The following COPB1 variants were observed in gnomAD, a reference collection of about 807,000 sequenced individuals.
COPB1 encodes the protein coat protein complex I subunit beta 1, also known as coatomer subunit beta.
COPB1 carries 21 observed loss-of-function variants against 108.7 expected under a neutral mutation model. That is an observed-to-expected ratio of 0.19 (90% CI 0.14 to 0.28). The LOEUF (loss-of-function observed/expected upper bound fraction) is 0.28. COPB1 is among the 10% of genes least tolerant of loss of function. The pLI is 1.00. For missense variants in COPB1, 919 were observed against 1,141.3 expected (o/e 0.81, Z 2.81); for synonymous variants, 378 against 386.8 (o/e 0.98, Z 0.27).
intron 4 of COPB1, among the ~76,000 whole-genome samples, chr11:14,492,628 C>G (rs1332173974): frequency 6.6e-6 from 1 of 152,038 alleles, no homozygotes; most frequent in African/African-American, 2.4e-5. Flanking sequence ...CAGGCATGAG[C>G]CACCACGCCT....
At position 14,469,694 on chromosome 11, in the gene COPB1, T is replaced by A. The variant is rs1287432094; in HGVS notation, c.1738-131A>T. ...GATTTCAAATTCTTTGGATTTTATG[T>A]CCATATCTGTTTTTGCATTCTTCTC... On this transcript the variant is annotated intron_variant, in intron 14 of 21. Transcript: ENST00000439561. 6 of 786,608 alleles carry A rather than the reference T, an allele frequency of 7.6e-6. No homozygotes were observed. In the Admixed American group the frequency reaches 1.5e-4, roughly 19 times the overall value. The allele number at this position is 786,608 out of a possible 1,614,324, so 48.7% of individuals were successfully genotyped here.
intron 4 of COPB1, among the ~76,000 whole-genome samples, chr11:14,491,064 A>G (rs1409501002): frequency 6.6e-6 from 1 of 151,916 alleles, no homozygotes; most frequent in African/African-American, 2.4e-5. Context: ...CTGGGATTAC[A>G]GGTGTGAGCC....
Position 14,494,458 on chromosome 11 carries a change from T to A in COPB1, c.92-19A>T, listed in dbSNP as rs10832280. On this transcript the variant is annotated intron_variant, in intron 2 of 21. Transcript: ENST00000439561. ...CCTTTTTCTGAATCAAAAATTTTTT[T>A]AAAAAAAAGCACAATTATTTCAAAA... 0.51 allele frequency: 654,739 copies of A among 1,283,054 alleles called. 167,698 individuals carry two copies. The highest frequency in any genetic ancestry group is 0.66 in the East Asian group (27,648 of 41,878). 79.5% of individuals were successfully genotyped at this position (1,283,054 alleles called of 1,614,324 possible).
intron 20 of COPB1, 77 bp from the exon 21 acceptor site, chr11:14,458,764 T>A (rs1346560444): frequency 5.2e-4 from 16 of 30,572 alleles, no homozygotes; most frequent in Non-Finnish European, 6.4e-4. Flanking sequence ...CATAGGTGAC[T>A]TTTTTTTTTT....
intron 7 of COPB1, 125 bp downstream of exon 7, chr11:14,486,239 ATTT>A: frequency 1.8e-6 from 2 of 1,121,874 alleles, no homozygotes; most frequent in Non-Finnish European, 2.6e-6. Context: ...GCATCAAATA[ATTT>A]TATAAGTTTG....
chr11:14,475,039 A>G lies in COPB1; in HGVS notation c.1617-424T>C, dbSNP rs1225376030. On this transcript the variant is annotated intron_variant, in intron 13 of 21. Coordinates refer to ENST00000439561, the MANE Select transcript of COPB1 (RefSeq NM_001144061.2). ...TGAGCCCAGGAGACAGGTTGCAGTG[A>G]GCCATGATCGCGCCACTGCACTCTA... 6.6e-5 allele frequency among the ~76,000 whole-genome samples: 9 copies of G among 136,834 alleles called. No individual in the cohort carries two copies. The East Asian group carries it at 2.1e-3, about 32-fold the overall frequency. The allele number at this position is 136,834 out of a possible 152,430, so 89.8% of individuals were successfully genotyped here.
intron 18 of COPB1, among the ~76,000 whole-genome samples, chr11:14,462,304 C>T (rs1850174890): frequency 6.6e-6 from 1 of 150,984 alleles, no homozygotes; most frequent in South Asian, 2.1e-4. Flanking sequence ...ACAATCTCAG[C>T]TCACTGCAAC....
At chr11:14,477,977 G>C (rs1343480790) in intron 11 of COPB1, among the ~76,000 whole-genome samples, 1 of 150,162 alleles carries the variant, frequency 6.7e-6, no homozygotes, top group Non-Finnish European at 1.5e-5. Flanking sequence ...CTGCACTCCA[G>C]CCTGGGTGAC....
chr11:14,491,624 G>A (rs1004648110), intron 4 of COPB1, among the ~76,000 whole-genome samples: 8 of 149,834 alleles, frequency 5.3e-5, no homozygotes, highest in Non-Finnish European at 1.0e-4. Flanking sequence ...AGCTGAGATC[G>A]TGCCATTGCA....
In COPB1 at chr11:14,479,688, G is replaced by A. The variant is rs149921106; in HGVS notation, c.1239C>T (p.Asn413=). Residue 413 remains asparagine (N), a synonymous_variant, in exon 11 of 22, where the codon AAC becomes AAT. Coordinates refer to ENST00000439561, the MANE Select transcript of COPB1 (RefSeq NM_001144061.2). The part of the protein sequence containing the change: ...PVLMEFLSDN[N]EAAAADVLEF... ...CCAAGACATCAGCAGCTGCTGCTTC[G>A]TTGTTGTCACTGAGAAATTCCATTA... The A allele has an allele frequency of 2.2e-5, 35 of 1,588,292 alleles. No individual in the cohort carries two copies. The highest frequency in any genetic ancestry group is 5.8e-5 in the South Asian group (5 of 85,586).
At chr11:14,498,426 T>C (rs1336088782) in intron 2 of COPB1, among the ~76,000 whole-genome samples, 1 of 152,212 alleles carries the variant, frequency 6.6e-6, no homozygotes, top group Non-Finnish European at 1.5e-5. Context: ...GTTCACCTAA[T>C]TGTTTGGGTG....
chr11:14,473,935 ACTTT>A (rs1254833718), intron 14 of COPB1: 4 of 152,108 alleles, frequency 2.6e-5, no homozygotes, highest in East Asian at 1.9e-4. Flanking sequence ...ATTGTTTTCA[ACTTT>A]CTATTATTTT....
At chr11:14,484,642 T>C (rs1464840564) in intron 7 of COPB1, among the ~76,000 whole-genome samples, 1 of 152,134 alleles carries the variant, frequency 6.6e-6, no homozygotes, top group Non-Finnish European at 1.5e-5. Context: ...CACTTGAATC[T>C]GGGAGGCGGA....
At chr11:14,490,293 A>G (rs1850867796) in intron 5 of COPB1, among the ~76,000 whole-genome samples, 1 of 152,236 alleles carries the variant, frequency 6.6e-6, no homozygotes, top group South Asian at 2.1e-4. Context: ...AGGAAAGAAC[A>G]GTCATAATAA....
intron 4 of COPB1, among the ~76,000 whole-genome samples, chr11:14,491,042 G>A (rs1345029833): frequency 6.6e-6 from 1 of 151,698 alleles, no homozygotes; most frequent in Non-Finnish European, 1.5e-5. Flanking sequence ...GCCCACCTTG[G>A]CCTCCAAAGT....
At position 14,474,630 on chromosome 11, in the gene COPB1, A is replaced by G; in HGVS notation, c.1617-15T>C. 1 of 1,612,484 alleles carries G rather than the reference A, an allele frequency of 6.2e-7. No individual in the cohort carries two copies. Among genetic ancestry groups the G allele is most frequent in the Non-Finnish European group, 8.5e-7 (1 of 1,179,456 alleles). On this transcript the variant is annotated splice_polypyrimidine_tract_variant and intron_variant, in intron 13 of 21. Coordinates refer to ENST00000439561, the MANE Select transcript of COPB1 (RefSeq NM_001144061.2). ...TCAAGGGAGGTCTGCAAAGCAACCAAGGAAAATCAAACCCACCAACTTGCT... is the reference window on the plus strand; with the variant it reads ...TCAAGGGAGGTCTGCAAAGCAACCAGGGAAAATCAAACCCACCAACTTGCT...
At chr11:14,463,639 T>C (rs1589952438) in intron 18 of COPB1, among the ~76,000 whole-genome samples, 1 of 152,294 alleles carries the variant, frequency 6.6e-6, no homozygotes, top group Non-Finnish European at 1.5e-5. Flanking sequence ...TTTAGACCTC[T>C]TGTTTGTGTC....
Position 14,480,863 on chromosome 11 carries a change from C to T in COPB1, c.1108G>A (p.Val370Met). ...LKKEVIKTNN[V>M]SEHEDTDKYR... The stretch of plus-strand genomic sequence containing the variant: ...TTGTCAGTATCTTCATGCTCAGACA[C>T]ATTATTTGTTTTTATCACTTCCTTC... Residue 370 changes from valine (V) to methionine (M), a missense_variant, in exon 10 of 22, where the codon GTG becomes ATG. Physicochemically the swap from Val to Met is conservative, Grantham distance 21 (BLOSUM62 1). Coordinates refer to ENST00000439561, the MANE Select transcript of COPB1 (RefSeq NM_001144061.2). The T allele has an allele frequency of 1.2e-6, 2 of 1,613,970 alleles. No individual in the cohort carries two copies. The highest frequency in any genetic ancestry group is 2.2e-5 in the South Asian group (2 of 91,078).
In COPB1 at chr11:14,488,686, TGAG is replaced by T. The variant is rs1163612092; in HGVS notation, c.607-105_607-103del. 5.8e-5 allele frequency: 31 copies of T among 535,830 alleles called. No individual in the cohort carries two copies. In the Middle Eastern group the frequency reaches 1.6e-3, roughly 27 times the overall value. 33.2% of individuals were successfully genotyped at this position (535,830 alleles called of 1,614,324 possible). On this transcript the variant is annotated intron_variant, in intron 5 of 21. Coordinates refer to ENST00000439561, the MANE Select transcript of COPB1 (RefSeq NM_001144061.2). ...ACATTACAACTCAATATAAAACAAA[TGAG>T]GAGATCAGGGCAAAGAGAAATTAAC...
Sources: gnomAD v4.1 joint callset for allele counts (sites outside exome capture counted in the v4.1 genomes callset) on GRCh38, gnomAD v4.1.1 for gene constraint, MANE v1.5 for transcripts, NCBI Gene and HGNC (gene_info 2026-07-23, HGNC 2026-07-21) for gene names.